The following PLOD2 variants were observed in gnomAD, a reference collection of about 807,000 sequenced individuals.
The protein encoded by PLOD2 is lysine hydroxylase 2.
A neutral mutation model predicts 101.0 loss-of-function variants in PLOD2; 65 were observed. The observed-to-expected ratio is 0.64, with a 90% CI of 0.53 to 0.79. The LOEUF is 0.79. PLOD2 is among the 30% of genes least tolerant of loss of function. PLOD2 has a pLI of 0.00. For missense variants in PLOD2, 909 were observed against 914.6 expected (o/e 0.99, Z 0.08); for synonymous variants, 314 against 302.9 (o/e 1.04, Z -0.38).
intron 4 of PLOD2, among the ~76,000 whole-genome samples, chr3:146,108,648 C>T (rs1027919395): frequency 2.6e-5 from 4 of 152,126 alleles, no homozygotes; most frequent in East Asian, 1.9e-4. Flanking sequence ...GATGATGCTT[C>T]GATGTCCTTT....
At chr3:146,143,895 T>C (rs1473926164) in intron 1 of PLOD2, among the ~76,000 whole-genome samples, 1 of 152,072 alleles carries the variant, frequency 6.6e-6, no homozygotes. Flanking sequence ...AGAGATCTGG[T>C]CTTGACTGTC....
intron 1 of PLOD2, among the ~76,000 whole-genome samples, chr3:146,127,361 A>AT (rs1048701952): frequency 1.3e-5 from 2 of 151,668 alleles, no homozygotes; most frequent in African/African-American, 4.8e-5. Context: ...CCCAGTGTCT[A>AT]TTTTTTCCAT....
Position 146,081,723 on chromosome 3 carries a change from A to T in PLOD2, c.1358+15T>A. ...TATGGTATTTCACATTAAAATATTA[A>T]ACCAAGTAACTTACACTCTATTCCC... is the stretch of plus-strand genomic sequence containing the variant. On this transcript the variant is annotated intron_variant, in intron 12 of 19. Coordinates refer to ENST00000282903, the MANE Select transcript of PLOD2 (RefSeq NM_182943.3). 6.3e-7 allele frequency: 1 copy of T among 1,596,204 alleles called. No individual in the cohort carries two copies. Among genetic ancestry groups the T allele is most frequent in the South Asian group, 1.1e-5 (1 of 90,650 alleles).
chr3:146,145,070 T>C (rs911504119), intron 1 of PLOD2, among the ~76,000 whole-genome samples: 3 of 152,140 alleles, frequency 2.0e-5, no homozygotes, highest in Non-Finnish European at 4.4e-5. Context: ...CAACATTTCT[T>C]ATAGGAGCTC....
rs774395808 is a variant in PLOD2 at position 146,070,449 on chromosome 3, T to C, written c.*268A>G. 1.3e-5 allele frequency: 3 copies of C among 223,696 alleles called. No individual in the cohort carries two copies. Among genetic ancestry groups the C allele is most frequent in the Non-Finnish European group, 2.6e-5 (3 of 115,016 alleles). 13.9% of individuals were successfully genotyped at this position (223,696 alleles called of 1,614,324 possible). A position where few individuals can be genotyped will look rare whatever the true frequency, so the allele number is the denominator to read the frequency against. On this transcript the variant is annotated 3_prime_UTR_variant, in exon 20 of 20. Coordinates refer to ENST00000282903, the MANE Select transcript of PLOD2 (RefSeq NM_182943.3). ...TGAAACACAAATTCATAAATTGTCA[T>C]TATTCTCAGAGGCAACAAAGCATAG...
intron 1 of PLOD2, among the ~76,000 whole-genome samples, chr3:146,149,181 A>G (rs763359476): frequency 7.9e-5 from 12 of 152,140 alleles, no homozygotes; most frequent in Non-Finnish European, 1.3e-4. Context: ...CCCTTCCTCT[A>G]TTTCACTGAC....
At chr3:146,092,313 A>T (rs1288949049) in intron 7 of PLOD2, among the ~76,000 whole-genome samples, 1 of 152,056 alleles carries the variant, frequency 6.6e-6, no homozygotes, top group African/African-American at 2.4e-5. Context: ...CTGAGCACAG[A>T]CACCTACAGT....
At chr3:146,079,353 T>G (rs112848191) in intron 12 of PLOD2, 96 bp from the exon 13 acceptor site, 8 of 854,732 alleles carry the variant, frequency 9.4e-6, no homozygotes, top group African/African-American at 3.4e-5. Flanking sequence ...GTGTTTAGAT[T>G]TTGTATACAT....
intron 1 of PLOD2, among the ~76,000 whole-genome samples, chr3:146,152,291 G>A (rs535047844): frequency 6.6e-6 from 1 of 151,924 alleles, no homozygotes; most frequent in African/African-American, 2.4e-5. Context: ...GTGGTGGCAC[G>A]CACCTGTAAT....
intron 1 of PLOD2, among the ~76,000 whole-genome samples, chr3:146,153,485 G>C (rs574942909): frequency 2.4e-4 from 36 of 152,232 alleles, no homozygotes; most frequent in African/African-American, 8.4e-4. Flanking sequence ...CAAAAGTTGT[G>C]GCTTCAAACC....
chr3:146,135,543 A>G (rs1200877634), intron 1 of PLOD2, among the ~76,000 whole-genome samples: 1 of 152,170 alleles, frequency 6.6e-6, no homozygotes, highest in Admixed American at 6.5e-5. Context: ...GATCTAAAAA[A>G]TATATTTATA....
At chr3:146,133,033 G>A (rs1056468137) in intron 1 of PLOD2, among the ~76,000 whole-genome samples, 6 of 152,176 alleles carry the variant, frequency 3.9e-5, no homozygotes, top group East Asian at 3.9e-4. Flanking sequence ...AAAATTAGCC[G>A]GGTGTGGTGG....
At chr3:146,141,976 T>TA (rs2031546957) in intron 1 of PLOD2, among the ~76,000 whole-genome samples, 1 of 152,068 alleles carries the variant, frequency 6.6e-6, no homozygotes, top group African/African-American at 2.4e-5. Context: ...GAAATGTGTG[T>TA]AACAGGGGAA....
chr3:146,158,228 A>G (rs1422841558), intron 1 of PLOD2, among the ~76,000 whole-genome samples: 1 of 152,166 alleles, frequency 6.6e-6, no homozygotes, highest in East Asian at 1.9e-4. Flanking sequence ...GGCACTGATT[A>G]AGAAGGTTCT....
At chr3:146,096,865 C>G (rs1164708827) in intron 7 of PLOD2, among the ~76,000 whole-genome samples, 1 of 62,380 alleles carries the variant, frequency 1.6e-5, no homozygotes, top group Non-Finnish European at 3.2e-5. Flanking sequence ...CCAGCTGCCC[C>G]GTCCGGGAGG....
chr3:146,126,189 C>T (rs1380740186), intron 1 of PLOD2, among the ~76,000 whole-genome samples: 1 of 152,152 alleles, frequency 6.6e-6, no homozygotes, highest in Non-Finnish European at 1.5e-5. Context: ...ATAAGAACTC[C>T]TACTGTTTCA....
chr3:146,137,257 T>G lies in PLOD2; in HGVS notation c.110-13028A>C, dbSNP rs373414047. On this transcript the variant is annotated intron_variant, in intron 1 of 19. Transcript: ENST00000282903. Reference sequence around the variant, plus strand: ...AAATAATTGGCTTTATAGCACCATTTTGATGCAGTAAGAAGCTCTATCTGC... The same window carrying G: ...AAATAATTGGCTTTATAGCACCATTGTGATGCAGTAAGAAGCTCTATCTGC... 8.7e-4 allele frequency among the ~76,000 whole-genome samples: 133 copies of G among 152,270 alleles called. 1 individual carries two copies. The highest frequency in any genetic ancestry group is 3.1e-3 in the African/African-American group (127 of 41,556).
At chr3:146,108,577 T>TAAA (rs1937575705) in intron 4 of PLOD2, among the ~76,000 whole-genome samples, 1 of 152,224 alleles carries the variant, frequency 6.6e-6, no homozygotes, top group Non-Finnish European at 1.5e-5. Context: ...ATTCAAACTT[T>TAAA]TATTAAACAT....
At chr3:146,070,977 G>A in intron 19 of PLOD2, 65 bp downstream of exon 19, 1 of 1,524,920 alleles carries the variant, frequency 6.6e-7, no homozygotes. Flanking sequence ...AAGGCCTAAG[G>A]CAAAGTCCTT....
Sources: allele counts gnomAD v4.1 joint callset (sites outside exome capture counted in the v4.1 genomes callset), GRCh38; gene constraint gnomAD v4.1.1; transcripts MANE v1.5; gene names NCBI Gene and HGNC (gene_info 2026-07-23, HGNC 2026-07-21).